The following LGR6 variants were observed in gnomAD, a reference collection of about 807,000 sequenced individuals.
LGR6 encodes the protein leucine rich repeat containing G protein-coupled receptor 6, also known as leucine-rich repeat-containing G protein-coupled receptor 6.
A neutral mutation model predicts 69.4 loss-of-function variants in LGR6; 45 were observed. That is an observed-to-expected ratio of 0.65 (90% confidence interval 0.51 to 0.83). LGR6 has a LOEUF of 0.83. LGR6 is among the 40% of genes least tolerant of loss of function. LGR6 has a pLI of 0.00. For missense variants in LGR6, 1,108 were observed against 1,246.7 expected (o/e 0.89, Z 1.68); for synonymous variants, 538 against 555.0 (o/e 0.97, Z 0.43).
intron 4 of LGR6, among the ~76,000 whole-genome samples, chr1:202,255,096 G>A (rs1015714682): frequency 9.2e-5 from 14 of 152,218 alleles, no homozygotes; most frequent in Non-Finnish European, 1.8e-4. Context: ...CCACTTGAAG[G>A]AAGACCTGTG....
At chr1:202,288,222 C>A (rs554237352) in intron 6 of LGR6, among the ~76,000 whole-genome samples, 4 of 152,312 alleles carry the variant, frequency 2.6e-5, no homozygotes, top group African/African-American at 9.6e-5. Context: ...CAGGACTTTG[C>A]TCAAATGTCA....
rs1041481712 is a variant in LGR6 at position 202,283,048 on chromosome 1, A to T, written c.716+2196A>T. Among the ~76,000 whole-genome samples the T allele has an allele frequency of 1.4e-4, 22 of 152,320 alleles. No homozygotes were observed. In the South Asian group the frequency reaches 2.3e-3, roughly 16 times the overall value. Reference sequence around the variant, plus strand: ...CTGTGAGTCTCCGTTTTCTAATCTGAAACATAATGCCAGTAATAGTTAACT... The same window carrying T: ...CTGTGAGTCTCCGTTTTCTAATCTGTAACATAATGCCAGTAATAGTTAACT... On this transcript the variant is annotated intron_variant, in intron 6 of 17. Transcript: ENST00000367278.
At chr1:202,297,447 A>T (rs1667241972) in intron 6 of LGR6, 61 bp from the exon 7 acceptor site, 2 of 1,388,248 alleles carry the variant, frequency 1.4e-6, no homozygotes, top group African/African-American at 1.4e-5. Flanking sequence ...TCCATTTCTC[A>T]GGGACCCTGA....
intron 1 of LGR6, chr1:202,214,059 GGGCATACGAGAGAAGC>G: frequency 3.0e-6 from 4 of 1,346,146 alleles, no homozygotes; most frequent in Non-Finnish European, 3.8e-6. Flanking sequence ...CCAGAGGGAA[GGGCATACGAGAGAAGC>G]GGCAGAACGA....
intron 4 of LGR6, among the ~76,000 whole-genome samples, chr1:202,264,478 G>T (rs545834823): frequency 3.9e-5 from 6 of 152,224 alleles, no homozygotes; most frequent in Non-Finnish European, 8.8e-5. Flanking sequence ...AGGGCAGGCA[G>T]CCAGGCCTCA....
In LGR6 at chr1:202,276,491, C is replaced by G; in HGVS notation, c.614C>G (p.Ala205Gly). The G allele has an allele frequency of 6.2e-7, 1 of 1,614,096 alleles. No homozygotes were observed. The highest frequency in any genetic ancestry group is 8.5e-7 in the Non-Finnish European group (1 of 1,179,960). Residue 205 changes from alanine to glycine, a missense_variant, in exon 5 of 18, where the codon GCG (alanine) becomes GGG (glycine). Transcript: ENST00000367278. ...LNRISHIPDYAFQNLTSLVVL... is the reference protein window; with the variant it reads ...LNRISHIPDYGFQNLTSLVVL... ...CGCATCAGCCACATCCCCGACTACGCGTTCCAGAATCTCACCAGCCTTGTG... is the reference window on the plus strand; with the variant it reads ...CGCATCAGCCACATCCCCGACTACGGGTTCCAGAATCTCACCAGCCTTGTG...
chr1:202,233,343 C>T (rs1238287094), intron 3 of LGR6, among the ~76,000 whole-genome samples: 3 of 152,108 alleles, frequency 2.0e-5, no homozygotes, highest in Non-Finnish European at 4.4e-5. Context: ...CAGATGTAGC[C>T]TCCTGGGCCC....
intron 4 of LGR6, 30 bp downstream of exon 4, chr1:202,236,023 C>T (rs1661516347): frequency 6.3e-7 from 1 of 1,592,438 alleles, no homozygotes; most frequent in South Asian, 1.1e-5. Context: ...GTCTGGGAGT[C>T]ACCAGCTTCC....
intron 4 of LGR6, among the ~76,000 whole-genome samples, chr1:202,259,826 C>A (rs1197680693): frequency 6.6e-6 from 1 of 152,178 alleles, no homozygotes. Context: ...AGTTCCCTCT[C>A]TTTGTCCTGC....
rs1284191395 is a variant in LGR6, at chr1:202,276,563, G to T, written c.644+42G>T. ...TCCCCATCCCCAGTGGGGTCCTGCTGGGGGCTGGGGGCTGCATGTTTACTT... is the reference window on the plus strand; with the variant it reads ...TCCCCATCCCCAGTGGGGTCCTGCTTGGGGCTGGGGGCTGCATGTTTACTT... On this transcript the variant is annotated intron_variant, in intron 5 of 17. Transcript: ENST00000367278. 2.7e-6 allele frequency: 4 copies of T among 1,469,820 alleles called. No individual in the cohort carries two copies. In the African/African-American group the frequency reaches 5.6e-5, roughly 21 times the overall value. The allele number at this position is 1,469,820 out of a possible 1,614,324, so 91.0% of individuals were successfully genotyped here. A position where few individuals can be genotyped will look rare whatever the true frequency, so the allele number is the denominator to read the frequency against.
At chr1:202,306,972 G>T (rs2148285376) in intron 13 of LGR6, 33 bp downstream of exon 13, 3 of 1,569,938 alleles carry the variant, frequency 1.9e-6, no homozygotes, top group Middle Eastern at 1.7e-4. Context: ...GGGCCATGGA[G>T]GAGCCACCGT....
At chr1:202,274,879 C>G (rs932938788) in intron 4 of LGR6, among the ~76,000 whole-genome samples, 1 of 152,206 alleles carries the variant, frequency 6.6e-6, no homozygotes, top group African/African-American at 2.4e-5. Context: ...TCTTTCCTAA[C>G]TACAGCTTTT....
chr1:202,266,600 C>G (rs1178681760), intron 4 of LGR6, among the ~76,000 whole-genome samples: 3 of 152,068 alleles, frequency 2.0e-5, no homozygotes, highest in Non-Finnish European at 2.9e-5. Flanking sequence ...GACCCAAGCC[C>G]TCACTCCCTG....
At chr1:202,233,501 A>G (rs1661268219) in intron 3 of LGR6, among the ~76,000 whole-genome samples, 1 of 152,138 alleles carries the variant, frequency 6.6e-6, no homozygotes, top group Non-Finnish European at 1.5e-5. Context: ...GCGAAGGCCC[A>G]CCCTTTAGAT....
intron 2 of LGR6, among the ~76,000 whole-genome samples, chr1:202,227,102 C>T (rs568537100): frequency 5.9e-5 from 9 of 152,272 alleles, no homozygotes; most frequent in Non-Finnish European, 8.8e-5. Flanking sequence ...TCAGATGTCA[C>T]GATGCCTTTC....
At chr1:202,202,000 A>G (rs1461833186) in intron 1 of LGR6, among the ~76,000 whole-genome samples, 1 of 152,194 alleles carries the variant, frequency 6.6e-6, no homozygotes, top group Non-Finnish European at 1.5e-5. Flanking sequence ...GTATCAGATA[A>G]TCCTGGGAGC....
intron 4 of LGR6, among the ~76,000 whole-genome samples, chr1:202,239,384 T>G (rs1302749281): frequency 7.7e-6 from 1 of 129,036 alleles, no homozygotes; most frequent in Non-Finnish European, 1.7e-5. Context: ...TGTGTGTGTG[T>G]GGTGTGTTGG....
At chr1:202,214,446 G>T (rs1233650114) in intron 1 of LGR6, among the ~76,000 whole-genome samples, 2 of 151,570 alleles carry the variant, frequency 1.3e-5, no homozygotes, top group African/African-American at 4.8e-5. Flanking sequence ...GCGGGCAGGG[G>T]CACGGCCAGG....
At chr1:202,271,605 G>A (rs902104729) in intron 4 of LGR6, among the ~76,000 whole-genome samples, 19 of 151,906 alleles carry the variant, frequency 1.3e-4, no homozygotes, top group Non-Finnish European at 2.2e-4. Context: ...TCAGGAGTTC[G>A]AGACCAGCCT....
Sources: gnomAD v4.1 joint callset for allele counts (sites outside exome capture counted in the v4.1 genomes callset) on GRCh38, gnomAD v4.1.1 for gene constraint, MANE v1.5 for transcripts, NCBI Gene and HGNC (gene_info 2026-07-23, HGNC 2026-07-21) for gene names.